The following RAB3C variants were observed in gnomAD, a reference collection of about 807,000 sequenced individuals.
RAB3C encodes ras-related protein Rab-3C.
In RAB3C, 17 loss-of-function variants were observed where a neutral mutation model predicts 26.4. That is an observed-to-expected ratio of 0.64 (90% CI 0.44 to 0.97). RAB3C has a LOEUF of 0.97. Ranked by LOEUF, RAB3C falls within the 50% of genes least tolerant of loss-of-function variation. The pLI, the probability that RAB3C is intolerant of heterozygous loss-of-function variation, is 0.00. For missense variants in RAB3C, 242 were observed against 281.9 expected, an observed-to-expected ratio of 0.86 and a Z score of 1.01; for synonymous variants, 91 against 95.9, an observed-to-expected ratio of 0.95 and a Z score of 0.30.
chr5:58,740,487 T>C lies in RAB3C; in HGVS notation c.371+14367T>C, dbSNP rs1741253033. Among the ~76,000 whole-genome samples the C allele has an allele frequency of 1.3e-5, 2 of 152,150 alleles. 1 individual carries two copies. Among genetic ancestry groups the C allele is most frequent in the African/African-American group, 4.8e-5 (2 of 41,436 alleles). Reference sequence around the variant, plus strand: ...GTTTATATCCAGTTATTTATATAACTGTTATGTCAACTTGTTTGTATTGAC... The same window carrying C: ...GTTTATATCCAGTTATTTATATAACCGTTATGTCAACTTGTTTGTATTGAC... On this transcript the variant is annotated intron_variant, in intron 3 of 4. Transcript: ENST00000282878.
intron 3 of RAB3C, among the ~76,000 whole-genome samples, chr5:58,777,240 C>G (rs1230107120): frequency 6.6e-6 from 1 of 152,082 alleles, no homozygotes; most frequent in East Asian, 1.9e-4. Flanking sequence ...CAAGTTTGCC[C>G]AAGCCAGCTC....
intron 2 of RAB3C, among the ~76,000 whole-genome samples, chr5:58,667,436 C>G (rs1748024189): frequency 6.6e-6 from 1 of 152,112 alleles, no homozygotes; most frequent in Admixed American, 6.6e-5. Flanking sequence ...TAGGAGCCAT[C>G]CTGAAAGCAT....
At chr5:58,728,108 G>C (rs1257331340) in intron 3 of RAB3C, among the ~76,000 whole-genome samples, 2 of 152,010 alleles carry the variant, frequency 1.3e-5, no homozygotes, top group Non-Finnish European at 2.9e-5. Flanking sequence ...ACAAAAGCCT[G>C]TTCTAGAAAC....
At chr5:58,595,508 G>A (rs1746228436) in intron 1 of RAB3C, among the ~76,000 whole-genome samples, 2 of 152,066 alleles carry the variant, frequency 1.3e-5, no homozygotes, top group Admixed American at 1.3e-4. Context: ...TCACCTCATA[G>A]TATATCCCTG....
At chr5:58,848,124 G>T (rs1561151523) in intron 4 of RAB3C, among the ~76,000 whole-genome samples, 1 of 152,138 alleles carries the variant, frequency 6.6e-6, no homozygotes, top group Admixed American at 6.6e-5. Context: ...CAAAAGTGCT[G>T]GGATTACAGG....
intron 2 of RAB3C, among the ~76,000 whole-genome samples, chr5:58,650,209 C>A (rs1383335065): frequency 6.6e-6 from 1 of 152,128 alleles, no homozygotes; most frequent in African/African-American, 2.4e-5. Context: ...TACCAGTTAA[C>A]ATTTTCTTAA....
At chr5:58,731,228 A>G (rs1741013597) in intron 3 of RAB3C, among the ~76,000 whole-genome samples, 2 of 152,092 alleles carry the variant, frequency 1.3e-5, no homozygotes. Context: ...TCTTTTTTGA[A>G]AACACATTAG....
Position 58,632,155 on chromosome 5 carries a change from A to G in RAB3C, c.252+14285A>G, listed in dbSNP as rs200553655. 9.2e-5 allele frequency among the ~76,000 whole-genome samples: 14 copies of G among 152,354 alleles called. No homozygotes were observed. The East Asian group carries it at 2.5e-3, about 27-fold the overall frequency. On this transcript the variant is annotated intron_variant, in intron 2 of 4. Transcript: ENST00000282878. ...ATCTCACAATATGAGAGAGATTCAC[A>G]TATGAAAGCAACCAGACAAAGAAGG...
chr5:58,838,990 A>T (rs1579947132), intron 4 of RAB3C, among the ~76,000 whole-genome samples: 2 of 150,640 alleles, frequency 1.3e-5, no homozygotes, highest in Non-Finnish European at 1.5e-5. Context: ...GACTTGAAGC[A>T]TTTTTTTTTA....
At chr5:58,619,709 G>A (rs183177007) in intron 2 of RAB3C, among the ~76,000 whole-genome samples, 58 of 152,218 alleles carry the variant, frequency 3.8e-4, no homozygotes, top group African/African-American at 1.3e-3. Flanking sequence ...CAAATTTTCA[G>A]TGTAGGTTTT....
Position 58,811,800 on chromosome 5 carries a change from C to T in RAB3C, c.372-13238C>T, listed in dbSNP as rs548306794. Among the ~76,000 whole-genome samples the T allele has an allele frequency of 2.6e-5, 4 of 151,758 alleles. No homozygotes were observed. The South Asian group carries it at 8.4e-4, about 32-fold the overall frequency. On this transcript the variant is annotated intron_variant, in intron 3 of 4. Coordinates refer to ENST00000282878, the MANE Select transcript of RAB3C (RefSeq NM_138453.4). ...ACCAATCCCCAGACCCACCCTCCCTCCACTGCACCACAGGTTCCCACTGCC... is the reference window on the plus strand; with the variant it reads ...ACCAATCCCCAGACCCACCCTCCCTTCACTGCACCACAGGTTCCCACTGCC...
intron 3 of RAB3C, among the ~76,000 whole-genome samples, chr5:58,727,024 G>A (rs1203036354): frequency 1.3e-5 from 2 of 151,920 alleles, no homozygotes; most frequent in African/African-American, 4.8e-5. Context: ...TGGTGGCTAG[G>A]ACTGACTGAA....
chr5:58,596,591 CATA>C lies in RAB3C; in HGVS notation c.24+13363_24+13365del, dbSNP rs1393671892. Among the ~76,000 whole-genome samples the C allele has an allele frequency of 1.1e-3, 119 of 106,382 alleles. 37 individuals carry two copies. Among genetic ancestry groups the C allele is most frequent in the African/African-American group, 4.6e-3 (118 of 25,788 alleles). 69.8% of individuals were successfully genotyped at this position (106,382 alleles called of 152,430 possible). On this transcript the variant is annotated intron_variant, in intron 1 of 4. Coordinates refer to ENST00000282878, the MANE Select transcript of RAB3C (RefSeq NM_138453.4). The stretch of plus-strand genomic sequence containing the variant: ...TATAAATATATAATACTATATAATA[CATA>C]ATATATTATATATAAATATATAATA...
chr5:58,821,121 A>G (rs968730419), intron 3 of RAB3C, among the ~76,000 whole-genome samples: 1 of 152,110 alleles, frequency 6.6e-6, no homozygotes, highest in African/African-American at 2.4e-5. Flanking sequence ...TCAAGGACTC[A>G]TTTGTCCTCA....
chr5:58,630,696 G>T (rs182585481), intron 2 of RAB3C, among the ~76,000 whole-genome samples: 494 of 152,256 alleles, frequency 3.2e-3, no homozygotes, highest in African/African-American at 0.011. Context: ...TAAAAACTTG[G>T]TATTCTTGTG....
intron 3 of RAB3C, among the ~76,000 whole-genome samples, chr5:58,746,404 T>C (rs1373122261): frequency 6.6e-6 from 1 of 152,164 alleles, no homozygotes. Context: ...ATGGGTGATA[T>C]GCTGAATAAT....
intron 2 of RAB3C, among the ~76,000 whole-genome samples, chr5:58,628,144 A>T (rs1273884738): frequency 7.6e-6 from 1 of 132,266 alleles, no homozygotes; most frequent in Non-Finnish European, 1.6e-5. Context: ...GCGACAAGGC[A>T]AGACTCCGTC....
intron 2 of RAB3C, among the ~76,000 whole-genome samples, chr5:58,654,463 A>G (rs1318001936): frequency 6.6e-6 from 1 of 152,212 alleles, no homozygotes; most frequent in Non-Finnish European, 1.5e-5. Context: ...ATGCCATTTA[A>G]TTATAATTTA....
chr5:58,704,118 A>G (rs760557622), intron 2 of RAB3C, among the ~76,000 whole-genome samples: 12 of 152,168 alleles, frequency 7.9e-5, no homozygotes, highest in Admixed American at 2.0e-4. Flanking sequence ...AAACTTTACT[A>G]TATCTGCTGG....
Sources: gnomAD v4.1 joint callset for allele counts (sites outside exome capture counted in the v4.1 genomes callset) on GRCh38, gnomAD v4.1.1 for gene constraint, MANE v1.5 for transcripts, NCBI Gene and HGNC (gene_info 2026-07-23, HGNC 2026-07-21) for gene names.